The following PTPRD variants were observed in gnomAD, a reference collection of about 807,000 sequenced individuals.
The protein encoded by PTPRD is receptor-type tyrosine-protein phosphatase delta.
PTPRD carries 34 observed loss-of-function variants against 214.5 expected under a neutral mutation model. The ratio of observed to expected loss-of-function variants is 0.16; its 90% CI spans 0.12 to 0.21. The LOEUF is 0.21. Among genes scored for constraint, PTPRD ranks in the 10% least tolerant of loss-of-function variants. The probability of loss-of-function intolerance (pLI) is 1.00; values close to 1 mark genes in which losing one functional copy is unlikely to be tolerated. For missense variants in PTPRD, 2,545 were observed against 2,398.7 expected (o/e 1.06, Z -1.27); for synonymous variants, 1,128 against 845.7 (o/e 1.33, Z -5.79).
chr9:10,563,843 TTATC>T (rs1347770359), intron 2 of PTPRD, among the ~76,000 whole-genome samples: 24 of 152,034 alleles, frequency 1.6e-4, no homozygotes, highest in African/African-American at 5.3e-4. Context: ...ATTTATTTAT[TTATC>T]TATTTATAAA....
chr9:9,609,066 CTG>C (rs2094361294), intron 7 of PTPRD, among the ~76,000 whole-genome samples: 1 of 152,160 alleles, frequency 6.6e-6, no homozygotes, highest in Middle Eastern at 3.4e-3. Flanking sequence ...AAATATAGAT[CTG>C]TGAGTCTATA....
intron 2 of PTPRD, among the ~76,000 whole-genome samples, chr9:10,443,058 T>C (rs1042145587): frequency 2.7e-5 from 4 of 149,936 alleles, no homozygotes; most frequent in African/African-American, 4.9e-5. Context: ...AACAGAGGAA[T>C]AGAATTCTGC....
At chr9:9,888,807 T>C (rs1050645653) in intron 5 of PTPRD, among the ~76,000 whole-genome samples, 41 of 152,044 alleles carry the variant, frequency 2.7e-4, no homozygotes, top group African/African-American at 9.9e-4. Flanking sequence ...CTAAGACAGA[T>C]AGGGAAGACA....
At chr9:8,786,248 AAC>A (rs2095960058) in intron 11 of PTPRD, among the ~76,000 whole-genome samples, 2 of 152,112 alleles carry the variant, frequency 1.3e-5, no homozygotes, top group South Asian at 2.1e-4. Context: ...CATTTTGTTA[AAC>A]AGTCAACACT....
chr9:9,135,028 T>C (rs2099848763), intron 10 of PTPRD, among the ~76,000 whole-genome samples: 1 of 152,220 alleles, frequency 6.6e-6, no homozygotes. Flanking sequence ...ATGCGCTTTA[T>C]GATGCTTTAC....
At chr9:9,096,515 G>GTT (rs2099783712) in intron 10 of PTPRD, among the ~76,000 whole-genome samples, 1 of 152,076 alleles carries the variant, frequency 6.6e-6, no homozygotes, top group South Asian at 2.1e-4. Context: ...ACAATTAGAT[G>GTT]TTAACCTGTA....
intron 9 of PTPRD, among the ~76,000 whole-genome samples, chr9:9,386,937 T>C (rs1019623586): frequency 3.3e-5 from 5 of 152,180 alleles, no homozygotes; most frequent in Non-Finnish European, 5.9e-5. Context: ...AACAACCCTT[T>C]ATGCAAAATC....
intron 3 of PTPRD, among the ~76,000 whole-genome samples, chr9:10,261,701 C>G (rs56295014): frequency 1.3e-5 from 2 of 152,030 alleles, no homozygotes; most frequent in African/African-American, 2.4e-5. Flanking sequence ...AATAATTATG[C>G]TAATAACATG....
chr9:9,143,365 C>G (rs1174010404), intron 10 of PTPRD, among the ~76,000 whole-genome samples: 1 of 152,172 alleles, frequency 6.6e-6, no homozygotes, highest in Non-Finnish European at 1.5e-5. Context: ...AATGTTCCTT[C>G]CACACCCTGA....
chr9:9,701,735 G>T (rs2097506060), intron 7 of PTPRD, among the ~76,000 whole-genome samples: 1 of 151,956 alleles, frequency 6.6e-6, no homozygotes, highest in African/African-American at 2.4e-5. Flanking sequence ...TGAGAAGGAT[G>T]AATATGCTAT....
intron 45 of PTPRD, 149 bp downstream of exon 45, chr9:8,319,682 G>C: frequency 1.1e-6 from 1 of 876,074 alleles, no homozygotes; most frequent in Non-Finnish European, 1.7e-6. Flanking sequence ...CATTTAAAAA[G>C]GGGGAAAATG....
chr9:10,233,148 A>G (rs1275236577), intron 3 of PTPRD, among the ~76,000 whole-genome samples: 2 of 152,036 alleles, frequency 1.3e-5, no homozygotes, highest in African/African-American at 4.8e-5. Context: ...TGGAAAATAA[A>G]TAGTGTGGCT....
intron 5 of PTPRD, among the ~76,000 whole-genome samples, chr9:9,819,727 G>A (rs934589857): frequency 9.2e-5 from 14 of 152,020 alleles, no homozygotes; most frequent in Admixed American, 2.6e-4. Context: ...ATGAGCATCC[G>A]ACACTTAGCT....
At chr9:8,731,134 T>A (rs1229751309) in intron 12 of PTPRD, among the ~76,000 whole-genome samples, 1 of 152,196 alleles carries the variant, frequency 6.6e-6, no homozygotes, top group Non-Finnish European at 1.5e-5. Context: ...TCACACCCAG[T>A]ACTTTGCTAT....
In PTPRD at chr9:9,900,641, G is replaced by GTTTTTTTTTTTTTTTTTTT. The variant is rs1555302230; in HGVS notation, c.-368+37865_-368+37866insAAAAAAAAAAAAAAAAAAA. On this transcript the variant is annotated intron_variant, in intron 5 of 45. Coordinates refer to ENST00000381196, the MANE Select transcript of PTPRD (RefSeq NM_002839.4). ...TCCAAAGGTGCTTCCACATTTTCAG[G>GTTTTTTTTTTTTTTTTTTT]TTTTTTTTTTTTTTGAGATGGAGTC... 7.5e-4 allele frequency among the ~76,000 whole-genome samples: 90 copies of GTTTTTTTTTTTTTTTTTTT among 120,088 alleles called. 5 individuals carry two copies. Among genetic ancestry groups the GTTTTTTTTTTTTTTTTTTT allele is most frequent in the African/African-American group, 2.4e-3 (76 of 32,088 alleles). 78.8% of individuals were successfully genotyped at this position (120,088 alleles called of 152,430 possible). A position where few individuals can be genotyped will look rare whatever the true frequency, so the allele number is the denominator to read the frequency against.
chr9:10,055,002 G>T (rs568541445), intron 3 of PTPRD, among the ~76,000 whole-genome samples: 1 of 151,784 alleles, frequency 6.6e-6, no homozygotes, highest in Non-Finnish European at 1.5e-5. Flanking sequence ...AAAAAAGAAA[G>T]AAAGATCAGT....
chr9:9,957,527 G>A (rs2094026495), intron 4 of PTPRD, among the ~76,000 whole-genome samples: 1 of 152,014 alleles, frequency 6.6e-6, no homozygotes, highest in Admixed American at 6.5e-5. Context: ...AAAATTCAAA[G>A]GAAAGCAGAA....
At chr9:9,795,433 T>G (rs1009824140) in intron 5 of PTPRD, among the ~76,000 whole-genome samples, 1 of 152,082 alleles carries the variant, frequency 6.6e-6, no homozygotes, top group Non-Finnish European at 1.5e-5. Context: ...CAAGGAAGCA[T>G]TTGGATAGTG....
At chr9:10,107,689 T>A (rs1326880089) in intron 3 of PTPRD, among the ~76,000 whole-genome samples, 1 of 152,110 alleles carries the variant, frequency 6.6e-6, no homozygotes. Context: ...TTAGTCTAAT[T>A]GTTTCCACAG....
Sources: gnomAD v4.1 joint callset for allele counts (sites outside exome capture counted in the v4.1 genomes callset) on GRCh38, gnomAD v4.1.1 for gene constraint, MANE v1.5 for transcripts, NCBI Gene and HGNC (gene_info 2026-07-23, HGNC 2026-07-21) for gene names.